Variants in KCNN2 observed in about 807,000 individuals in gnomAD.
KCNN2 encodes the protein potassium calcium-activated channel subfamily N member 2, also known as small conductance calcium-activated potassium channel protein 2.
A neutral mutation model predicts 55.5 loss-of-function variants in KCNN2; 24 were observed. The observed-to-expected ratio is 0.43, with a 90% CI of 0.31 to 0.61. The LOEUF is 0.61. KCNN2 is among the 20% of genes least tolerant of loss of function. The pLI is 0.08. For synonymous variants in KCNN2, 431 were observed against 336.1 expected (o/e 1.28, Z -3.09); for missense variants, 754 against 853.6 (o/e 0.88, Z 1.45).
chr5:114,471,593 T>TATAACTGAATAATCATTTACTCTGC (rs1761749773), intron 4 of KCNN2, among the ~76,000 whole-genome samples: 1 of 152,194 alleles, frequency 6.6e-6, no homozygotes, highest in South Asian at 2.1e-4. Context: ...AATCAAAGTT[T>TATAACTGAATAATCATTTACTCTGC]ATAACTGAAT....
At chr5:114,076,608 T>G (rs950175098) in intron 1 of KCNN2, among the ~76,000 whole-genome samples, 6 of 152,228 alleles carry the variant, frequency 3.9e-5, no homozygotes, top group Non-Finnish European at 8.8e-5. Flanking sequence ...TTATTTCCAT[T>G]TCATTTAAAT....
intron 1 of KCNN2, among the ~76,000 whole-genome samples, chr5:114,161,232 T>C (rs901992607): frequency 1.3e-5 from 2 of 152,114 alleles, no homozygotes; most frequent in African/African-American, 4.8e-5. Context: ...TGTTTGTCTG[T>C]AAGTATTTTA....
At chr5:114,097,178 T>A (rs1177631927) in intron 1 of KCNN2, among the ~76,000 whole-genome samples, 1 of 152,222 alleles carries the variant, frequency 6.6e-6, no homozygotes, top group Non-Finnish European at 1.5e-5. Flanking sequence ...TTATGAAAGT[T>A]CTTTTTCTTG....
intron 2 of KCNN2, among the ~76,000 whole-genome samples, chr5:114,367,818 G>A (rs1757646154): frequency 6.6e-6 from 1 of 152,086 alleles, no homozygotes; most frequent in South Asian, 2.1e-4. Context: ...TTCTTATAGA[G>A]GTAATTTTAG....
chr5:114,301,539 C>T (rs1297947352), intron 2 of KCNN2, among the ~76,000 whole-genome samples: 4 of 152,174 alleles, frequency 2.6e-5, no homozygotes, highest in Admixed American at 6.5e-5. Context: ...CCATTCTCCC[C>T]TTCTCCCTGG....
At chr5:114,071,766 C>T (rs1181527848) in intron 1 of KCNN2, among the ~76,000 whole-genome samples, 4 of 152,106 alleles carry the variant, frequency 2.6e-5, no homozygotes, top group African/African-American at 7.2e-5. Context: ...ATGGGCAGTA[C>T]ACAAGGGATA....
At chr5:114,445,278 A>G (rs528418455) in intron 3 of KCNN2, among the ~76,000 whole-genome samples, 26 of 152,316 alleles carry the variant, frequency 1.7e-4, no homozygotes, top group Admixed American at 5.2e-4. Flanking sequence ...TAATATGATA[A>G]AAGCAAAAAT....
intron 2 of KCNN2, among the ~76,000 whole-genome samples, chr5:114,333,877 T>C (rs1331650839): frequency 6.6e-6 from 1 of 152,212 alleles, no homozygotes; most frequent in Non-Finnish European, 1.5e-5. Context: ...AGCTGTCAAC[T>C]ATGTTCAACT....
intron 1 of KCNN2, among the ~76,000 whole-genome samples, chr5:114,145,813 T>A (rs1752387580): frequency 6.6e-6 from 1 of 152,122 alleles, no homozygotes; most frequent in African/African-American, 2.4e-5. Flanking sequence ...ATCAGTGTCA[T>A]CAGGAGGGGG....
chr5:114,169,151 A>G (rs1752979269), intron 1 of KCNN2, among the ~76,000 whole-genome samples: 1 of 152,060 alleles, frequency 6.6e-6, no homozygotes, highest in South Asian at 2.1e-4. Flanking sequence ...TGCTTCCTGT[A>G]CAGCCTGCAG....
chr5:114,114,923 C>T (rs1751681233), intron 1 of KCNN2, among the ~76,000 whole-genome samples: 1 of 152,130 alleles, frequency 6.6e-6, no homozygotes, highest in South Asian at 2.1e-4. Flanking sequence ...TCTATGACTT[C>T]TCAGGAGGTG....
intron 2 of KCNN2, among the ~76,000 whole-genome samples, chr5:114,260,085 A>G (rs146973618): frequency 6.6e-6 from 1 of 152,178 alleles, no homozygotes; most frequent in East Asian, 1.9e-4. Flanking sequence ...TCTTTACACC[A>G]TCTCCACTTC....
At chr5:114,154,215 CAGTG>C (rs1471142746) in intron 1 of KCNN2, among the ~76,000 whole-genome samples, 1 of 152,028 alleles carries the variant, frequency 6.6e-6, no homozygotes, top group Non-Finnish European at 1.5e-5. Context: ...AGAGACTGAA[CAGTG>C]AGAATAAAAA....
At chr5:114,466,905 A>C (rs1341436981) in intron 4 of KCNN2, among the ~76,000 whole-genome samples, 1 of 152,184 alleles carries the variant, frequency 6.6e-6, no homozygotes, top group African/African-American at 2.4e-5. Flanking sequence ...TGTAAACAAA[A>C]GCAATGCGTA....
chr5:114,420,665 G>T (rs959257503), intron 3 of KCNN2, among the ~76,000 whole-genome samples: 2 of 152,182 alleles, frequency 1.3e-5, no homozygotes, highest in African/African-American at 4.8e-5. Flanking sequence ...TAAGATACCA[G>T]ATATCAGAGA....
At chr5:114,155,429 T>C (rs1194162794) in intron 1 of KCNN2, among the ~76,000 whole-genome samples, 1 of 152,176 alleles carries the variant, frequency 6.6e-6, no homozygotes, top group East Asian at 1.9e-4. Context: ...GGTCAAATGT[T>C]ATTTCTATTT....
intron 1 of KCNN2, among the ~76,000 whole-genome samples, chr5:114,139,474 A>C (rs1752233153): frequency 7.4e-6 from 1 of 135,220 alleles, no homozygotes; most frequent in Non-Finnish European, 1.7e-5. Context: ...CCCCACACAC[A>C]CACACCAGAA....
chr5:114,243,390 C>G (rs541889773), intron 2 of KCNN2, among the ~76,000 whole-genome samples: 1 of 152,210 alleles, frequency 6.6e-6, no homozygotes, highest in African/African-American at 2.4e-5. Flanking sequence ...GTAAACAATT[C>G]ATAAGTTTTA....
intron 3 of KCNN2, among the ~76,000 whole-genome samples, chr5:114,432,414 C>A (rs1759826136): frequency 6.6e-6 from 1 of 152,208 alleles, no homozygotes; most frequent in African/African-American, 2.4e-5. Context: ...ATTAGTATTA[C>A]CATGGTATAT....
Sources: gnomAD v4.1 joint callset for allele counts (sites outside exome capture counted in the v4.1 genomes callset) on GRCh38, gnomAD v4.1.1 for gene constraint, MANE v1.5 for transcripts, NCBI Gene and HGNC (gene_info 2026-07-23, HGNC 2026-07-21) for gene names.